The following POLE variants were observed in gnomAD, a reference collection of about 807,000 sequenced individuals.
The protein encoded by POLE is DNA polymerase epsilon catalytic subunit A.
In POLE, 188 loss-of-function variants were observed where a neutral mutation model predicts 279.2. The ratio of observed to expected loss-of-function variants is 0.67; its 90% CI spans 0.60 to 0.76. The LOEUF (loss-of-function observed/expected upper bound fraction) is 0.76. Ranked by LOEUF, POLE falls within the 30% of genes least tolerant of loss-of-function variation. The pLI is 0.00. For missense variants in POLE, 2,703 were observed against 3,016.7 expected (o/e 0.90, Z 2.44); for synonymous variants, 1,214 against 1,172.5 (o/e 1.04, Z -0.72).
At chr12:132,646,867 T>A (rs7979349) in intron 32 of POLE, among the ~76,000 whole-genome samples, 103,992 of 151,668 alleles carry the variant, frequency 0.69, 36,818 homozygotes, top group African/African-American at 0.86. Flanking sequence ...TAAATAAATT[T>A]AAAAAATACT....
rs750593090 is a variant in POLE, at chr12:132,676,526, C to T, written c.909+20G>A. 22 of 1,540,602 alleles carry T rather than the reference C, an allele frequency of 1.4e-5. No homozygotes were observed. Among genetic ancestry groups the T allele is most frequent in the Admixed American group, 3.3e-5 (2 of 59,936 alleles). On this transcript the variant is annotated intron_variant, in intron 9 of 48. Transcript: ENST00000320574. ...AGGTCCCCATCCCAGGAGCTTACTT[C>T]CCAGAAGCCACCTGCTCACCTGGCC...
At chr12:132,674,294 C>T (rs994302406) in intron 12 of POLE, among the ~76,000 whole-genome samples, 9 of 152,208 alleles carry the variant, frequency 5.9e-5, no homozygotes, top group African/African-American at 2.2e-4. Context: ...CCGGTCTCCA[C>T]CCCCCGCAGC....
At position 132,675,621 on chromosome 12, in the gene POLE, G is replaced by A; in HGVS notation, c.1107-104C>T. 2 of 1,585,808 alleles carry A rather than the reference G, an allele frequency of 1.3e-6. No homozygotes were observed. Among genetic ancestry groups the A allele is most frequent in the Non-Finnish European group, 1.7e-6 (2 of 1,159,438 alleles). ...AGGGAGGAACCCAGACACGGGAGGT[G>A]CAGAGTGAACCCAGGAGCCACCTCC... is the stretch of plus-strand genomic sequence containing the variant. On this transcript the variant is annotated intron_variant, in intron 11 of 48. Coordinates refer to ENST00000320574, the MANE Select transcript of POLE (RefSeq NM_006231.4). This position sits in a 1 kb window ranked among gnomAD's most constrained non-coding sequence, Gnocchi z 4.3.
At chr12:132,636,456 A>G (rs2042036476) in intron 41 of POLE, among the ~76,000 whole-genome samples, 1 of 151,104 alleles carries the variant, frequency 6.6e-6, no homozygotes, top group Admixed American at 6.6e-5. Context: ...AAAAAAAAAA[A>G]AAAAAAAAAA....
At chr12:132,656,053 C>T (rs142334401) in intron 29 of POLE, among the ~76,000 whole-genome samples, 1 of 151,426 alleles carries the variant, frequency 6.6e-6, no homozygotes, top group Non-Finnish European at 1.5e-5. Flanking sequence ...CATGGTGGTG[C>T]GTGCCTATAA....
In POLE at chr12:132,637,556, AG is replaced by A. The variant is rs5744978; in HGVS notation, c.5678+457del. Among the ~76,000 whole-genome samples, 271 of 152,372 alleles carry A rather than the reference AG, an allele frequency of 1.8e-3. 2 individuals are homozygous for A. Among genetic ancestry groups the A allele is most frequent in the African/African-American group, 6.3e-3 (261 of 41,598 alleles). On this transcript the variant is annotated intron_variant, in intron 41 of 48. Transcript: ENST00000320574. Reference sequence around the variant, plus strand: ...ACCTCAGGAACATGGCCTGGAAGGCAGGAAGTCAAAACCACACCAGGCTCTG... The same window carrying A: ...ACCTCAGGAACATGGCCTGGAAGGCAGAAGTCAAAACCACACCAGGCTCTG...
In POLE at chr12:132,673,441, G is replaced by A. The variant is rs1240405376; in HGVS notation, c.1359+134C>T. On this transcript the variant is annotated intron_variant, in intron 13 of 48. Transcript: ENST00000320574. ...GTCCCGGAGACACAGCCTGCTGGGTGGAGCGGGCTGGCATACATGCGTGCA... is the reference window on the plus strand; with the variant it reads ...GTCCCGGAGACACAGCCTGCTGGGTAGAGCGGGCTGGCATACATGCGTGCA... 5.3e-6 allele frequency: 7 copies of A among 1,327,744 alleles called. No homozygotes were observed. In the East Asian group the frequency reaches 9.2e-5, roughly 17 times the overall value. 82.2% of individuals were successfully genotyped at this position (1,327,744 alleles called of 1,614,324 possible). A position where few individuals can be genotyped will look rare whatever the true frequency, so the allele number is the denominator to read the frequency against.
Position 132,677,382 on chromosome 12 carries a change from T to C in POLE, c.782A>G (p.Asp261Gly), listed in dbSNP as rs2043077699. 1.2e-6 allele frequency: 2 copies of C among 1,614,066 alleles called. No individual in the cohort carries two copies. The highest frequency in any genetic ancestry group is 1.7e-6 in the Non-Finnish European group (2 of 1,179,920). The stretch of plus-strand genomic sequence containing the variant: ...ACTTACAGGTCGTTCAACAAGGTCA[T>C]CTCGGCGGGTGATTTCTACCGGAAA... ...NAFPVEITRR[D>G]DLVERPDPVV... The change falls in exon 8 of 49, where the codon GAT (aspartate) becomes GGT (glycine). Residue 261 changes from aspartate to glycine, a missense_variant. Around this residue, in one of 5 missense-constraint regions of POLE, gnomAD observed 1,011 missense variants for 1,111.7 expected, o/e 0.91. Transcript: ENST00000320574.
At chr12:132,635,582 C>A (rs5744994) in intron 42 of POLE, among the ~76,000 whole-genome samples, 3 of 152,262 alleles carry the variant, frequency 2.0e-5, no homozygotes, top group South Asian at 4.1e-4. Flanking sequence ...GGTGTCCATC[C>A]GCTGGAGGCG....
intron 45 of POLE, among the ~76,000 whole-genome samples, chr12:132,629,585 C>T (rs574651435): frequency 1.3e-5 from 2 of 152,348 alleles, no homozygotes; most frequent in South Asian, 4.1e-4. Context: ...AGCTTTCCTT[C>T]TACAGCCTCC....
At chr12:132,652,997 G>A (rs2042456573) in intron 29 of POLE, among the ~76,000 whole-genome samples, 1 of 152,146 alleles carries the variant, frequency 6.6e-6, no homozygotes, top group African/African-American at 2.4e-5. Flanking sequence ...TTAATATGGG[G>A]CAAACTGCCA....
chr12:132,636,029 A>G lies in POLE; in HGVS notation c.5679-5T>C, dbSNP rs1297914465. On this transcript the variant is annotated splice_region_variant and splice_polypyrimidine_tract_variant and intron_variant, in intron 41 of 48. Coordinates refer to ENST00000320574, the MANE Select transcript of POLE (RefSeq NM_006231.4). Reference sequence around the variant, plus strand: ...AAGGTCTCCTTTGAATGGATGCTGCAGAGGAAGCATTGAAGACGCTGCTTC... The same window carrying G: ...AAGGTCTCCTTTGAATGGATGCTGCGGAGGAAGCATTGAAGACGCTGCTTC... 1 of 1,610,002 alleles carries G rather than the reference A, an allele frequency of 6.2e-7. No individual in the cohort carries two copies. The highest frequency in any genetic ancestry group is 8.5e-7 in the Non-Finnish European group (1 of 1,178,558).
intron 1 of POLE, among the ~76,000 whole-genome samples, chr12:132,685,265 A>G (rs1042545746): frequency 6.7e-6 from 1 of 150,118 alleles, no homozygotes; most frequent in Non-Finnish European, 1.5e-5. Flanking sequence ...TCTCATTCAC[A>G]GAGAGCTACC....
chr12:132,663,296 A>T (rs886917348), intron 23 of POLE, among the ~76,000 whole-genome samples: 2 of 152,222 alleles, frequency 1.3e-5, no homozygotes, highest in African/African-American at 4.8e-5. Context: ...GGCCTGCAGA[A>T]GCCCCTCAGG....
chr12:132,656,451 C>T (rs1226069553), intron 29 of POLE, among the ~76,000 whole-genome samples: 5 of 151,582 alleles, frequency 3.3e-5, no homozygotes, highest in South Asian at 2.1e-4. Flanking sequence ...CTCCGCCTCC[C>T]GGGTTCACGC....
At position 132,680,649 on chromosome 12, in the gene POLE, T is replaced by C. The variant is rs1217265792; in HGVS notation, c.243A>G (p.Ala81=). ...ILDEDKRLGS[A]VDYYFIQDDG... ...CATCTTGAATAAAGTAGTAATCCACTGCACTGCCTAAGCGCTTATCTTCAT... is the reference window on the plus strand; with the variant it reads ...CATCTTGAATAAAGTAGTAATCCACCGCACTGCCTAAGCGCTTATCTTCAT... Residue 81 remains alanine, a synonymous_variant, in exon 3 of 49, where the codon GCA becomes GCG. Transcript: ENST00000320574. 8 of 1,613,966 alleles carry C rather than the reference T, an allele frequency of 5.0e-6. No individual in the cohort carries two copies. The highest frequency in any genetic ancestry group is 2.2e-5 in the East Asian group (1 of 44,896).
At chr12:132,676,512 C>G (rs2043055397) in intron 9 of POLE, 34 bp downstream of exon 9, 2 of 1,348,154 alleles carry the variant, frequency 1.5e-6, no homozygotes, top group Non-Finnish European at 2.1e-6. Context: ...GGTCCCCATC[C>G]CAGGAGCTTA....
rs779458859 is a variant in POLE at position 132,668,641 on chromosome 12, C to T, written c.2020G>A (p.Glu674Lys). 7 of 1,611,652 alleles carry T rather than the reference C, an allele frequency of 4.3e-6. No individual in the cohort carries two copies. Among genetic ancestry groups the T allele is most frequent in the African/African-American group, 2.7e-5 (2 of 74,832 alleles). Residue 674 changes from glutamate to lysine, a missense_variant, in exon 18 of 49, where the codon GAG becomes AAG. Around this residue, in one of 5 missense-constraint regions of POLE, gnomAD observed 1,011 missense variants for 1,111.7 expected, o/e 0.91. Transcript: ENST00000320574. This position sits in a 1 kb window ranked among gnomAD's most constrained non-coding sequence, Gnocchi z 4.0. ...CCAGGCGGCCGACACTCACTGAACT[C>T]GCCCCTCCACTGCCAGGCCATCTTC... ...QRKMAWQWRG[E>K]FMPASRSEYH... is the part of the protein sequence containing the mutation.
At chr12:132,632,177 GT>G in intron 45 of POLE, 137 bp downstream of exon 45, 1 of 679,254 alleles carries the variant, frequency 1.5e-6, no homozygotes, top group South Asian at 1.8e-5. Flanking sequence ...GCACAGGTAT[GT>G]CGGTGTCCTT....
Sources: allele counts gnomAD v4.1 joint callset (sites outside exome capture counted in the v4.1 genomes callset), GRCh38; gene constraint gnomAD v4.1.1; regional missense constraint gnomAD v4.1.1; non-coding constraint Gnocchi (gnomAD v3.1); transcripts MANE v1.5; gene names NCBI Gene and HGNC (gene_info 2026-07-23, HGNC 2026-07-21).